MTRF1: variants seen among roughly 807,000 people sequenced by gnomAD.
MTRF1 encodes peptide chain release factor 1, mitochondrial.
MTRF1 carries 51 observed loss-of-function variants against 62.9 expected under a neutral mutation model. The observed-to-expected ratio is 0.81, with a 90% CI of 0.65 to 1.02. MTRF1 has a LOEUF of 1.02. Among genes scored for constraint, MTRF1 ranks in the 50% least tolerant of loss-of-function variants. MTRF1 has a pLI of 0.00. For missense variants in MTRF1, 446 were observed against 530.0 expected (o/e 0.84, Z 1.56); for synonymous variants, 158 against 181.9 (o/e 0.87, Z 1.06).
the MTRF1 span, among the ~76,000 whole-genome samples, chr13:41,280,867 A>G: frequency 6.6e-6 from 1 of 152,202 alleles, no homozygotes; most frequent in East Asian, 1.9e-4. Context: ...GTTTAAACAC[A>G]TTGTGGCAGT....
chr13:41,229,159 G>A (rs2138773151), intron 7 of MTRF1: 1 of 152,326 alleles, frequency 6.6e-6, no homozygotes. Flanking sequence ...CCCAAGGTAA[G>A]TCTGGCAGCA....
intron 9 of MTRF1, among the ~76,000 whole-genome samples, chr13:41,218,940 T>C (rs928958129): frequency 6.6e-6 from 1 of 152,228 alleles, no homozygotes; most frequent in African/African-American, 2.4e-5. Flanking sequence ...CACTATGATA[T>C]AACTTTAAAA....
chr13:41,220,324 G>GAAAAAAAAAAAAAA (rs1249229258), intron 9 of MTRF1, among the ~76,000 whole-genome samples: 1 of 32,660 alleles, frequency 3.1e-5, no homozygotes, highest in Admixed American at 4.6e-4. Context: ...ATCTGTCTCG[G>GAAAAAAAAAAAAAA]AAAAAAAAAA....
At chr13:41,256,359 C>G (rs1193895569) in intron 2 of MTRF1, among the ~76,000 whole-genome samples, 1 of 148,716 alleles carries the variant, frequency 6.7e-6, no homozygotes, top group Non-Finnish European at 1.5e-5. Flanking sequence ...TGGAGTCTTG[C>G]TCTGTTGCCC....
chr13:41,266,918 C>G (rs965368375), upstream of MTRF1, among the ~76,000 whole-genome samples: 2 of 148,978 alleles, frequency 1.3e-5, no homozygotes, highest in Non-Finnish European at 3.0e-5. Flanking sequence ...TGGTGTGAAC[C>G]TGGGAGGCAG....
chr13:41,273,296 A>C, the MTRF1 span, among the ~76,000 whole-genome samples: 16 of 151,370 alleles, frequency 1.1e-4, no homozygotes, highest in South Asian at 6.3e-4. Context: ...ACTGCACTCC[A>C]GCCTGGGCTA....
intron 7 of MTRF1, chr13:41,229,074 G>A (rs1352273194): frequency 2.6e-5 from 4 of 152,244 alleles, no homozygotes; most frequent in African/African-American, 9.6e-5. Flanking sequence ...CTTGCCTAAA[G>A]GGAAGGTTTG....
At chr13:41,311,802 G>C in the MTRF1 span, among the ~76,000 whole-genome samples, 1 of 152,150 alleles carries the variant, frequency 6.6e-6, no homozygotes, top group Non-Finnish European at 1.5e-5. Flanking sequence ...GGTCTTCTGC[G>C]GCTCGCCTCA....
chr13:41,278,471 T>C, the MTRF1 span, among the ~76,000 whole-genome samples: 5 of 152,194 alleles, frequency 3.3e-5, no homozygotes, highest in Non-Finnish European at 5.9e-5. Context: ...ACGGAGAGGA[T>C]GAAGTAAAGT....
chr13:41,267,862 T>TG (rs761365970), upstream of MTRF1, among the ~76,000 whole-genome samples: 4 of 71,156 alleles, frequency 5.6e-5, no homozygotes, highest in Admixed American at 1.4e-4. Flanking sequence ...GAGAAACTGT[T>TG]GAAAAAAAAA....
chr13:41,218,107 T>C (rs2032281890), intron 9 of MTRF1, among the ~76,000 whole-genome samples: 1 of 152,012 alleles, frequency 6.6e-6, no homozygotes, highest in Non-Finnish European at 1.5e-5. Context: ...TAGTCTATAT[T>C]GTGCTGATTG....
At chr13:41,260,989 C>T in intron 1 of MTRF1, 74 bp from the exon 2 acceptor site, 1 of 1,341,656 alleles carries the variant, frequency 7.5e-7, no homozygotes, top group Non-Finnish European at 1.0e-6. Context: ...CTGGAAGGAA[C>T]ATCAAGAAAT....
chr13:41,294,444 A>G, the MTRF1 span, among the ~76,000 whole-genome samples: 1 of 151,768 alleles, frequency 6.6e-6, no homozygotes, highest in Admixed American at 6.6e-5. Context: ...AAAGAAAGAA[A>G]GAAACGGATA....
chr13:41,223,208 A>G (rs1446381665), intron 9 of MTRF1, 48 bp downstream of exon 9: 7 of 1,327,376 alleles, frequency 5.3e-6, no homozygotes, highest in Non-Finnish European at 7.5e-6. Context: ...ATTTGACTAT[A>G]TTTTCTTCTG....
At chr13:41,261,037 T>TA (rs1276124709) in intron 1 of MTRF1, 122 bp from the exon 2 acceptor site, 1 of 977,910 alleles carries the variant, frequency 1.0e-6, no homozygotes, top group African/African-American at 1.7e-5. Flanking sequence ...TCCACAGTCT[T>TA]AAAATTCAAC....
At chr13:41,236,941 G>A (rs1426241942) in intron 6 of MTRF1, among the ~76,000 whole-genome samples, 3 of 152,068 alleles carry the variant, frequency 2.0e-5, no homozygotes, top group Non-Finnish European at 4.4e-5. Context: ...AAACAGGCCC[G>A]GCACTGTGGC....
chr13:41,228,602 A>G (rs2034919505), intron 7 of MTRF1, among the ~76,000 whole-genome samples: 1 of 150,796 alleles, frequency 6.6e-6, no homozygotes, highest in Non-Finnish European at 1.5e-5. Context: ...AAAGAATTAC[A>G]GAGGCCATCT....
At chr13:41,270,059 A>G in the MTRF1 span, among the ~76,000 whole-genome samples, 533 of 152,338 alleles carry the variant, frequency 3.5e-3, 4 homozygotes, top group African/African-American at 0.012. Context: ...CATTAAACCA[A>G]TATCAATGTC....
At chr13:41,273,243 A>T in the MTRF1 span, among the ~76,000 whole-genome samples, 8 of 151,296 alleles carry the variant, frequency 5.3e-5, no homozygotes, top group Non-Finnish European at 1.0e-4. Context: ...GGAGAATGGC[A>T]TGAACCCGGG....
Sources: allele counts gnomAD v4.1 joint callset (sites outside exome capture counted in the v4.1 genomes callset), GRCh38; gene constraint gnomAD v4.1.1; transcripts MANE v1.5; gene names NCBI Gene and HGNC (gene_info 2026-07-23, HGNC 2026-07-21).